HLTF: variants seen among roughly 807,000 people sequenced by gnomAD.
The protein encoded by HLTF is helicase like transcription factor.
Under a neutral mutation model 129.4 loss-of-function variants are expected in HLTF, and 127 were observed. That is an observed-to-expected ratio of 0.98 (90% CI 0.85 to 1.14). The LOEUF is 1.14. HLTF is among the 50% of genes most tolerant of loss of function. The pLI, the probability that HLTF is intolerant of heterozygous loss-of-function variation, is 0.00. For synonymous variants in HLTF, 332 were observed against 388.8 expected (o/e 0.85, Z 1.72); for missense variants, 1,139 against 1,187.1 (o/e 0.96, Z 0.60).
rs777754346 is a variant in HLTF at position 149,059,798 on chromosome 3, G to A, written c.1295C>T (p.Ser432Phe). The A allele has an allele frequency of 4.4e-6, 7 of 1,592,736 alleles. No individual in the cohort carries two copies. Among genetic ancestry groups the A allele is most frequent in the Middle Eastern group, 1.7e-4 (1 of 6,014 alleles). ...ETKGRAKAGS[S>F]KVIEDVAFAC... ...AAATGCCACATCTTCTATAACCTTA[G>A]AAGATCCTGCTGATAAAACAACAAA... Residue 432 changes from serine to phenylalanine, a missense_variant, in exon 13 of 25, where the codon TCT (serine) becomes TTT (phenylalanine). Transcript: ENST00000310053.
chr3:149,051,723 T>A (rs968413483), intron 14 of HLTF, among the ~76,000 whole-genome samples: 1 of 151,992 alleles, frequency 6.6e-6, no homozygotes, highest in Non-Finnish European at 1.5e-5. Context: ...TAGCTGGGCA[T>A]GGTGGTGATG....
chr3:149,084,480 T>C (rs916325555), intron 2 of HLTF, among the ~76,000 whole-genome samples: 1 of 152,146 alleles, frequency 6.6e-6, no homozygotes, highest in East Asian at 1.9e-4. Context: ...GCCAAGCATA[T>C]TGGCTCATTC....
At chr3:149,057,250 AC>A (rs1485878501) in intron 13 of HLTF, among the ~76,000 whole-genome samples, 2 of 147,666 alleles carry the variant, frequency 1.4e-5, no homozygotes, top group African/African-American at 5.0e-5. Flanking sequence ...ACATGGTGAA[AC>A]CCGTCTCTAT....
intron 10 of HLTF, among the ~76,000 whole-genome samples, chr3:149,061,172 T>C (rs1304777513): frequency 6.6e-6 from 1 of 152,056 alleles, no homozygotes; most frequent in African/African-American, 2.4e-5. Context: ...TGGGCTCAAG[T>C]GATCATCCCG....
intron 18 of HLTF, 55 bp from the exon 19 acceptor site, chr3:149,042,345 A>G: frequency 7.0e-7 from 1 of 1,424,636 alleles, no homozygotes. Context: ...ATAACTTCCT[A>G]TTCTAAAACA....
chr3:149,047,412 C>T (rs1056254991), intron 17 of HLTF, among the ~76,000 whole-genome samples: 4 of 152,066 alleles, frequency 2.6e-5, no homozygotes, highest in Non-Finnish European at 5.9e-5. Flanking sequence ...GAGGTCGAGG[C>T]AAGAGGATAA....
chr3:149,044,856 TC>T (rs904604463), intron 18 of HLTF, among the ~76,000 whole-genome samples: 20 of 152,200 alleles, frequency 1.3e-4, no homozygotes, highest in Admixed American at 1.2e-3. Flanking sequence ...CATTTCTCAC[TC>T]CCTTTATCAC....
At chr3:149,041,962 G>A (rs1311579518) in intron 19 of HLTF, 2 of 587,236 alleles carry the variant, frequency 3.4e-6, no homozygotes, top group African/African-American at 1.9e-5. Context: ...ATCTATCACC[G>A]GAATTCCTGG....
At chr3:149,082,604 C>T (rs1310235937) in intron 2 of HLTF, among the ~76,000 whole-genome samples, 1 of 152,176 alleles carries the variant, frequency 6.6e-6, no homozygotes, top group Non-Finnish European at 1.5e-5. Flanking sequence ...ATCAGGTATA[C>T]ATCTTTGTCA....
At chr3:149,075,856 A>C in intron 3 of HLTF, 25 bp downstream of exon 3, 1 of 1,544,170 alleles carries the variant, frequency 6.5e-7, no homozygotes, top group East Asian at 2.3e-5. Flanking sequence ...ACAATTATTA[A>C]AACTAAATTC....
At position 149,086,318 on chromosome 3, in the gene HLTF, T is replaced by C. The variant is rs929539624; in HGVS notation, c.19A>G (p.Arg7Gly). 6.3e-7 allele frequency: 1 copy of C among 1,597,568 alleles called. No homozygotes were observed. Among genetic ancestry groups the C allele is most frequent in the Non-Finnish European group, 8.5e-7 (1 of 1,170,162 alleles). The change falls in exon 1 of 25, where the codon AGG (arginine) becomes GGG (glycine). Residue 7 changes from arginine (R) to glycine (G), a missense_variant and splice_region_variant. Arg to Gly is a moderately radical substitution (Grantham distance 125). Transcript: ENST00000310053. ...CCCCACCCCCTCCGCCCCCTTCACC[T>C]CTTGAACATCCAGGACATGGCGCTG... MSWMFK[R>G]DPVWKYLQTV...
In HLTF at chr3:149,039,642, T is replaced by C; in HGVS notation, c.2554A>G (p.Ile852Val). 1 of 1,608,556 alleles carries C rather than the reference T, an allele frequency of 6.2e-7. No individual in the cohort carries two copies. The highest frequency in any genetic ancestry group is 8.5e-7 in the Non-Finnish European group (1 of 1,177,464). Residue 852 changes from isoleucine (I) to valine (V), a missense_variant, in exon 22 of 25, where the codon ATA becomes GTA. By Grantham distance (29) the Ile-to-Val change is conservative. Transcript: ENST00000310053. The stretch of plus-strand genomic sequence containing the variant: ...AACTGAGAAACAACCAAACTTTTTA[T>C]GTTGGGATTCTTCTTTCTTAAGTCA... ...LTDLRKKNPN[I>V]KSLVVSQFTT...
In HLTF at chr3:149,039,123, T is replaced by C; in HGVS notation, c.2722A>G (p.Met908Val). 1.2e-6 allele frequency: 2 copies of C among 1,612,590 alleles called. No individual in the cohort carries two copies. The highest frequency in any genetic ancestry group is 1.7e-6 in the Non-Finnish European group (2 of 1,179,236). The change falls in exon 23 of 25, where the codon ATG (methionine) becomes GTG (valine). Residue 908 changes from methionine to valine, a missense_variant. Transcript: ENST00000310053. Reference protein sequence around the residue: ...QNTEAGSPTIMLLSLKAGGVG... With the variant: ...QNTEAGSPTIVLLSLKAGGVG... Reference sequence around the variant, plus strand: ...CCACCTGCTTTTAAGGACAGAAGCATTATAGTTGGAGATCCTGCTTCAGTG... The same window carrying C: ...CCACCTGCTTTTAAGGACAGAAGCACTATAGTTGGAGATCCTGCTTCAGTG...
chr3:149,068,184 A>C (rs1003111686), intron 8 of HLTF, 56 bp downstream of exon 8: 2 of 720,580 alleles, frequency 2.8e-6, no homozygotes, highest in Non-Finnish European at 4.7e-6. Context: ...GATGAAATTT[A>C]AAGATTTCAC....
intron 8 of HLTF, among the ~76,000 whole-genome samples, chr3:149,067,659 T>C (rs1356442508): frequency 1.3e-5 from 2 of 151,978 alleles, no homozygotes; most frequent in Non-Finnish European, 2.9e-5. Context: ...CCAGTCACTA[T>C]GCCCAGCCTT....
chr3:149,048,167 G>C lies in HLTF; in HGVS notation c.1757-4C>G. The C allele has an allele frequency of 6.3e-7, 1 of 1,598,718 alleles. No individual in the cohort carries two copies. Among genetic ancestry groups the C allele is most frequent in the Non-Finnish European group, 8.5e-7 (1 of 1,174,302 alleles). ...AAAGAATTCTGGATTGGAGTACCTA[G>C]AAATAACAGGAAACTGTTATAACTC... On this transcript the variant is annotated splice_region_variant and splice_polypyrimidine_tract_variant and intron_variant, in intron 16 of 24. Transcript: ENST00000310053.
intron 8 of HLTF, among the ~76,000 whole-genome samples, chr3:149,065,627 C>T (rs1445564223): frequency 6.6e-6 from 1 of 151,982 alleles, no homozygotes; most frequent in East Asian, 1.9e-4. Flanking sequence ...ATCAGGAGCT[C>T]GAGACTAGCC....
At chr3:149,085,550 A>T (rs546732812) in intron 1 of HLTF, among the ~76,000 whole-genome samples, 1 of 152,326 alleles carries the variant, frequency 6.6e-6, no homozygotes, top group East Asian at 1.9e-4. Context: ...GAGCTATATA[A>T]AAGACTTATA....
chr3:149,086,478 G>C lies in HLTF; in HGVS notation c.-142C>G. 1.1e-6 allele frequency: 1 copy of C among 901,922 alleles called. No individual in the cohort carries two copies. The highest frequency in any genetic ancestry group is 1.7e-6 in the Non-Finnish European group (1 of 586,074). The allele number at this position is 901,922 out of a possible 1,614,324, so 55.9% of individuals were successfully genotyped here. ...CCGGATCAGGAGCGCACGACTGAAA[G>C]GTAAGTCGCCGCGAGTCCAGTCAGA... On this transcript the variant is annotated 5_prime_UTR_variant, in exon 1 of 25. Transcript: ENST00000310053.
Sources: gnomAD v4.1 joint callset for allele counts (sites outside exome capture counted in the v4.1 genomes callset) on GRCh38, gnomAD v4.1.1 for gene constraint, MANE v1.5 for transcripts, NCBI Gene and HGNC (gene_info 2026-07-23, HGNC 2026-07-21) for gene names.